Variants in GET3 observed in about 807,000 individuals in gnomAD.
The protein encoded by GET3 is ATPase GET3.
In GET3, 15 loss-of-function variants were observed where a neutral mutation model predicts 32.4. That is an observed-to-expected ratio of 0.46 (90% CI 0.31 to 0.71). GET3 has a LOEUF of 0.71. Among genes scored for constraint, GET3 ranks in the 30% least tolerant of loss-of-function variants. The probability of loss-of-function intolerance (pLI) is 0.05; values close to 1 mark genes in which losing one functional copy is unlikely to be tolerated. For missense variants in GET3, 333 were observed against 459.0 expected, an observed-to-expected ratio of 0.73 and a Z score of 2.51; for synonymous variants, 198 against 185.6, an observed-to-expected ratio of 1.07 and a Z score of -0.54.
At chr19:12,738,758 T>C (rs1967615779) in intron 2 of GET3, 100 bp downstream of exon 2, 1 of 1,443,570 alleles carries the variant, frequency 6.9e-7, no homozygotes, top group Admixed American at 2.0e-5. Context: ...CCACTCTATA[T>C]CCTGTGTCTC....
chr19:12,738,365 C>G (rs1031217894), intron 1 of GET3, 146 bp from the exon 2 acceptor site: 2 of 972,786 alleles, frequency 2.1e-6, no homozygotes, highest in African/African-American at 3.3e-5. Flanking sequence ...GGGACTGAGG[C>G]TCAATCCCAC....
chr19:12,737,251 A>C (rs999166676), upstream of GET3: 15 of 373,630 alleles, frequency 4.0e-5, no homozygotes, highest in Non-Finnish European at 7.1e-5. Flanking sequence ...GGGCCCAATC[A>C]GTGAAAGGGA....
At chr19:12,740,247 G>A (rs531331242) in intron 2 of GET3, among the ~76,000 whole-genome samples, 13 of 152,004 alleles carry the variant, frequency 8.6e-5, no homozygotes, top group Non-Finnish European at 1.9e-4. Context: ...TGGGCATGGT[G>A]GCAGGCGCCT....
chr19:12,737,770 GC>G, intron 1 of GET3, 104 bp downstream of exon 1: 1 of 1,426,462 alleles, frequency 7.0e-7, no homozygotes, highest in Non-Finnish European at 9.2e-7. Flanking sequence ...ATGGGGGCTG[GC>G]GGGGGTCTTT....
At chr19:12,739,312 C>T (rs1967624806) in intron 2 of GET3, among the ~76,000 whole-genome samples, 2 of 152,180 alleles carry the variant, frequency 1.3e-5, no homozygotes, top group South Asian at 4.1e-4. Context: ...GCACTACAGG[C>T]TTGCGCCACC....
At chr19:12,740,296 G>T (rs1373632851) in intron 2 of GET3, among the ~76,000 whole-genome samples, 1 of 152,032 alleles carries the variant, frequency 6.6e-6, no homozygotes, top group African/African-American at 2.4e-5. Context: ...CAGGAGAGTG[G>T]CGTGAACCCC....
At chr19:12,738,382 C>A in intron 1 of GET3, 129 bp from the exon 2 acceptor site, 1 of 1,147,660 alleles carries the variant, frequency 8.7e-7, no homozygotes, top group Non-Finnish European at 1.2e-6. Context: ...CCACCATAAC[C>A]CATACTCTCC....
intron 2 of GET3, among the ~76,000 whole-genome samples, chr19:12,743,073 A>C (rs552757255): frequency 6.6e-6 from 1 of 152,204 alleles, no homozygotes; most frequent in Non-Finnish European, 1.5e-5. Flanking sequence ...GGGTGCAGTG[A>C]TGAGTGGGCA....
intron 2 of GET3, among the ~76,000 whole-genome samples, chr19:12,742,577 G>C (rs1183762172): frequency 6.6e-6 from 1 of 152,074 alleles, no homozygotes; most frequent in Admixed American, 6.6e-5. Flanking sequence ...ACCATGCCCG[G>C]CTAATTTTTA....
At position 12,737,501 on chromosome 19, in the gene GET3, C is replaced by G; in HGVS notation, c.-5C>G. The G allele has an allele frequency of 5.9e-6, 9 of 1,535,784 alleles. No homozygotes were observed. Among genetic ancestry groups the G allele is most frequent in the Non-Finnish European group, 7.9e-6 (9 of 1,142,810 alleles). ...CTCCGCTGGATCACGTGAGCCAGTT[C>G]CAAAATGGCGGCAGGGGTGGCCGGG... On this transcript the variant is annotated 5_prime_UTR_variant, in exon 1 of 7. Coordinates refer to ENST00000357332, the MANE Select transcript of GET3 (RefSeq NM_004317.4).
At chr19:12,737,791 T>A in intron 1 of GET3, 125 bp downstream of exon 1, 1 of 1,273,670 alleles carries the variant, frequency 7.9e-7, no homozygotes, top group African/African-American at 1.6e-5. Flanking sequence ...TGGGTTTCAC[T>A]CTCTGGAAGT....
intron 2 of GET3, among the ~76,000 whole-genome samples, chr19:12,742,191 A>G (rs967731264): frequency 4.0e-5 from 6 of 151,816 alleles, no homozygotes; most frequent in Non-Finnish European, 5.9e-5. Context: ...ATTTGAGCCT[A>G]AGAGTTTGAG....
intron 2 of GET3, among the ~76,000 whole-genome samples, chr19:12,741,669 G>T (rs893089562): frequency 2.0e-5 from 3 of 152,004 alleles, no homozygotes; most frequent in Non-Finnish European, 4.4e-5. Flanking sequence ...TGAGGCAGGA[G>T]AATTGCTTGA....
At position 12,745,829 on chromosome 19, in the gene GET3, C is replaced by G; in HGVS notation, c.609+70C>G. On this transcript the variant is annotated intron_variant, in intron 4 of 6. Transcript: ENST00000357332. This position sits in a 1 kb window ranked among gnomAD's most constrained non-coding sequence, Gnocchi z 5.0. The stretch of plus-strand genomic sequence containing the variant: ...GTGGGAGTAGGCCCGGGCCCCCAGA[C>G]CCTCAAATGCGCACTAACAATTCCC... 6.6e-7 allele frequency: 1 copy of G among 1,516,410 alleles called. No individual in the cohort carries two copies. 93.9% of individuals were successfully genotyped at this position (1,516,410 alleles called of 1,614,324 possible). A position where few individuals can be genotyped will look rare whatever the true frequency, so the allele number is the denominator to read the frequency against.
In GET3 at chr19:12,747,112, G is replaced by C. The variant is rs953317001; in HGVS notation, c.610-85G>C. On this transcript the variant is annotated intron_variant, in intron 4 of 6. Transcript: ENST00000357332. This position sits in a 1 kb window ranked among gnomAD's most constrained non-coding sequence, Gnocchi z 4.0. ...GCCTTTAACCACTGGGAGGTATCAGGAGTCATCCCTCGGGTGTTTAGTGAA... is the reference window on the plus strand; with the variant it reads ...GCCTTTAACCACTGGGAGGTATCAGCAGTCATCCCTCGGGTGTTTAGTGAA... The C allele has an allele frequency of 2.7e-6, 3 of 1,108,738 alleles. No homozygotes were observed. The highest frequency in any genetic ancestry group is 3.1e-4 in the Middle Eastern group (1 of 3,226). 68.7% of individuals were successfully genotyped at this position (1,108,738 alleles called of 1,614,324 possible). A position where few individuals can be genotyped will look rare whatever the true frequency, so the allele number is the denominator to read the frequency against.
chr19:12,743,469 A>G (rs543526882), intron 2 of GET3, among the ~76,000 whole-genome samples: 3 of 150,384 alleles, frequency 2.0e-5, no homozygotes, highest in African/African-American at 4.9e-5. Flanking sequence ...GTGAAACTCC[A>G]TCTCAGAAAA....
At chr19:12,740,149 G>A (rs997611488) in intron 2 of GET3, among the ~76,000 whole-genome samples, 1 of 151,980 alleles carries the variant, frequency 6.6e-6, no homozygotes, top group Admixed American at 6.6e-5. Flanking sequence ...GTGGGAGACC[G>A]AGGCGGGTGG....
Position 12,747,534 on chromosome 19 carries a change from A to C in GET3, c.857A>C (p.Glu286Ala), listed in dbSNP as rs1166582779. The change falls in exon 6 of 7, where the codon GAG becomes GCG. Residue 286 changes from glutamate to alanine, a missense_variant. Glu to Ala is a moderately radical substitution (Grantham distance 107). Transcript: ENST00000357332. The surrounding 1 kb of genome is among the most constrained non-coding windows in gnomAD (Gnocchi z 4.0). ...AACCAGCTCGTCTTCCCCGACCCCG[A>C]GAAGCCCTGCAAGATGTGTGAGGCC... is the stretch of plus-strand genomic sequence containing the variant. ...IVNQLVFPDP[E>A]KPCKMCEARH... The C allele has an allele frequency of 6.2e-7, 1 of 1,613,908 alleles. No individual in the cohort carries two copies. Among genetic ancestry groups the C allele is most frequent in the Non-Finnish European group, 8.5e-7 (1 of 1,179,960 alleles).
intron 2 of GET3, among the ~76,000 whole-genome samples, chr19:12,744,398 T>C (rs1967731771): frequency 6.6e-6 from 1 of 151,568 alleles, no homozygotes; most frequent in South Asian, 2.1e-4. Flanking sequence ...CGGCTCACTG[T>C]AACCTCTGCC....
Sources: gnomAD v4.1 joint callset for allele counts (sites outside exome capture counted in the v4.1 genomes callset) on GRCh38, gnomAD v4.1.1 for gene constraint, Gnocchi (gnomAD v3.1) non-coding constraint, MANE v1.5 for transcripts, NCBI Gene and HGNC (gene_info 2026-07-23, HGNC 2026-07-21) for gene names.